The following RNF13 variants were observed in gnomAD, a reference collection of about 807,000 sequenced individuals.
The protein encoded by RNF13 is ring finger protein 13.
In RNF13, 19 loss-of-function variants were observed where a neutral mutation model predicts 37.7. That is an observed-to-expected ratio of 0.50 (90% CI 0.35 to 0.74). RNF13 has a LOEUF of 0.74. Ranked by LOEUF, RNF13 falls within the 30% of genes least tolerant of loss-of-function variation. The probability of loss-of-function intolerance (pLI) is 0.01; values close to 1 mark genes in which losing one functional copy is unlikely to be tolerated. For missense variants in RNF13, 375 were observed against 453.0 expected, an observed-to-expected ratio of 0.83 and a Z score of 1.56; for synonymous variants, 144 against 157.8, an observed-to-expected ratio of 0.91 and a Z score of 0.65.
At chr3:149,863,568 C>T (rs1724500674) in intron 3 of RNF13, among the ~76,000 whole-genome samples, 1 of 151,968 alleles carries the variant, frequency 6.6e-6, no homozygotes, top group African/African-American at 2.4e-5. Flanking sequence ...TTAGTAGAGA[C>T]AGGGTTTCAC....
At chr3:149,894,952 G>A (rs1214936231) in intron 4 of RNF13, among the ~76,000 whole-genome samples, 1 of 152,100 alleles carries the variant, frequency 6.6e-6, no homozygotes, top group Non-Finnish European at 1.5e-5. Context: ...TATTTTGGAG[G>A]CTAGCTTTAG....
chr3:149,875,975 T>A (rs1448343301), intron 4 of RNF13, among the ~76,000 whole-genome samples: 1 of 46,430 alleles, frequency 2.2e-5, no homozygotes, highest in African/African-American at 1.1e-4. Flanking sequence ...AATACGACTT[T>A]AAAAAAAATC....
At chr3:149,920,046 A>G (rs1413333889) in intron 7 of RNF13, among the ~76,000 whole-genome samples, 2 of 152,214 alleles carry the variant, frequency 1.3e-5, no homozygotes, top group African/African-American at 4.8e-5. Context: ...TTTGTCTTGT[A>G]TAGTGAAGTA....
chr3:149,842,392 A>G (rs1269276752), intron 1 of RNF13, among the ~76,000 whole-genome samples: 3 of 152,000 alleles, frequency 2.0e-5, no homozygotes, highest in East Asian at 1.9e-4. Flanking sequence ...TCTATATTCC[A>G]TTGCTATGTT....
At chr3:149,820,388 A>G (rs529512325) in intron 1 of RNF13, among the ~76,000 whole-genome samples, 14 of 152,206 alleles carry the variant, frequency 9.2e-5, no homozygotes, top group African/African-American at 3.4e-4. Flanking sequence ...ATCCAGGTAA[A>G]CTTTATAGAG....
chr3:149,853,564 C>A (rs1723353940), intron 3 of RNF13, among the ~76,000 whole-genome samples: 1 of 148,974 alleles, frequency 6.7e-6, no homozygotes, highest in South Asian at 2.1e-4. Context: ...TGTAAGAGTT[C>A]TTTATATATT....
chr3:149,833,427 C>G (rs1281190111), intron 1 of RNF13, among the ~76,000 whole-genome samples: 7 of 152,106 alleles, frequency 4.6e-5, no homozygotes, highest in African/African-American at 1.7e-4. Flanking sequence ...ATACACATGA[C>G]CAAGTTGGAC....
At chr3:149,913,206 A>G (rs542512261) in intron 7 of RNF13, among the ~76,000 whole-genome samples, 182 of 152,180 alleles carry the variant, frequency 1.2e-3, no homozygotes, top group African/African-American at 4.2e-3. Context: ...TTTTTTTCCT[A>G]TAAATGTTTT....
rs549181558 is a variant in RNF13 at position 149,842,857 on chromosome 3, G to C, written c.-16-3154G>C. ...AGAAAAAATAATGCTTGAAAGGGAG[G>C]GACGCTCCACAGTATTTCATGGACA... On this transcript the variant is annotated intron_variant, in intron 1 of 9. Transcript: ENST00000392894. Among the ~76,000 whole-genome samples the C allele has an allele frequency of 7.9e-5, 12 of 152,202 alleles. No individual in the cohort carries two copies. In the South Asian group the frequency reaches 2.5e-3, roughly 32 times the overall value.
intron 9 of RNF13, among the ~76,000 whole-genome samples, chr3:149,960,478 G>T (rs1431060219): frequency 6.6e-6 from 1 of 152,010 alleles, no homozygotes; most frequent in Non-Finnish European, 1.5e-5. Flanking sequence ...GTAGTCCCCA[G>T]CTACTAGGGA....
chr3:149,922,277 C>A (rs1385956934), intron 8 of RNF13, among the ~76,000 whole-genome samples: 1 of 152,016 alleles, frequency 6.6e-6, no homozygotes, highest in Non-Finnish European at 1.5e-5. Flanking sequence ...TGGCCTGTTT[C>A]CTGACTTTTT....
chr3:149,930,325 A>G (rs142278628), intron 8 of RNF13, among the ~76,000 whole-genome samples: 2 of 152,256 alleles, frequency 1.3e-5, no homozygotes, highest in Non-Finnish European at 2.9e-5. Flanking sequence ...GCCATTCCGT[A>G]TATACTTGTG....
At chr3:149,835,632 A>ATT (rs995489297) in intron 1 of RNF13, among the ~76,000 whole-genome samples, 2 of 84,550 alleles carry the variant, frequency 2.4e-5, no homozygotes, top group East Asian at 3.8e-4. Flanking sequence ...GTAGTATTCC[A>ATT]TTGTGTGTGT....
chr3:149,873,451 C>G (rs1025769269), intron 4 of RNF13, among the ~76,000 whole-genome samples: 1 of 152,122 alleles, frequency 6.6e-6, no homozygotes, highest in Non-Finnish European at 1.5e-5. Context: ...TTTAGTGGAT[C>G]CTCATCATGA....
In RNF13 at chr3:149,895,440, ACATAATT is replaced by A. The variant is rs1315997804; in HGVS notation, c.322-32_322-26del. On this transcript the variant is annotated intron_variant, in intron 4 of 9. Coordinates refer to ENST00000392894, the MANE Select transcript of RNF13 (RefSeq NM_183381.3). ...AAGACAAACCACTGTCTTCCTTATA[ACATAATT>A]TTTTTTTTTTTTTTTTGCTTTGCAG... The A allele has an allele frequency of 2.2e-5, 26 of 1,193,278 alleles. No individual in the cohort carries two copies. In the African/African-American group the frequency reaches 3.1e-4, roughly 14 times the overall value. The allele number at this position is 1,193,278 out of a possible 1,614,324, so 73.9% of individuals were successfully genotyped here. A position where few individuals can be genotyped will look rare whatever the true frequency, so the allele number is the denominator to read the frequency against.
chr3:149,871,987 C>T, intron 3 of RNF13, 42 bp from the exon 4 acceptor site: 1 of 1,520,398 alleles, frequency 6.6e-7, no homozygotes, highest in Non-Finnish European at 8.9e-7. Flanking sequence ...GATTGATTTA[C>T]TGAGTGAAAC....
intron 4 of RNF13, among the ~76,000 whole-genome samples, chr3:149,883,447 C>A (rs1394463633): frequency 6.6e-6 from 1 of 151,914 alleles, no homozygotes; most frequent in African/African-American, 2.4e-5. Context: ...GTGTATGTAT[C>A]ATCCATTTCT....
intron 8 of RNF13, among the ~76,000 whole-genome samples, chr3:149,930,180 C>T (rs756393052): frequency 1.1e-4 from 16 of 152,138 alleles, no homozygotes; most frequent in Non-Finnish European, 1.6e-4. Flanking sequence ...CTGCCTGCCT[C>T]GGCCTCCCAA....
At chr3:149,936,005 G>A (rs1026814500) in intron 8 of RNF13, among the ~76,000 whole-genome samples, 1 of 151,192 alleles carries the variant, frequency 6.6e-6, no homozygotes, top group African/African-American at 2.4e-5. Context: ...CTTTGCTGGG[G>A]ACACTGTTCT....
Sources: gnomAD v4.1 joint callset for allele counts (sites outside exome capture counted in the v4.1 genomes callset) on GRCh38, gnomAD v4.1.1 for gene constraint, MANE v1.5 for transcripts, NCBI Gene and HGNC (gene_info 2026-07-23, HGNC 2026-07-21) for gene names.